Variants in PRKN observed in about 807,000 individuals in gnomAD.
PRKN encodes the protein E3 ubiquitin-protein ligase parkin.
Under a neutral mutation model 59.5 loss-of-function variants are expected in PRKN, and 56 were observed. The observed-to-expected ratio is 0.94, with a 90% CI of 0.76 to 1.18. PRKN has a LOEUF of 1.18. Among genes scored for constraint, PRKN ranks in the 50% most tolerant of loss-of-function variants. PRKN has a pLI of 0.00. For missense variants in PRKN, 657 were observed against 596.4 expected, an observed-to-expected ratio of 1.10 and a Z score of -1.06; for synonymous variants, 250 against 222.1, an observed-to-expected ratio of 1.13 and a Z score of -1.12.
At chr6:162,466,234 CCTTT>C (rs1286388094) in intron 1 of PRKN, among the ~76,000 whole-genome samples, 5 of 152,144 alleles carry the variant, frequency 3.3e-5, no homozygotes, top group Non-Finnish European at 7.3e-5. Context: ...CTTTCCATTG[CCTTT>C]CTTTTTTTCC....
In PRKN at chr6:161,590,813, A is replaced by G. The variant is rs560638354; in HGVS notation, c.872-21397T>C. 3.8e-4 allele frequency among the ~76,000 whole-genome samples: 58 copies of G among 152,224 alleles called. 2 individuals carry two copies. In the South Asian group the frequency reaches 0.012, roughly 30 times the overall value. On this transcript the variant is annotated intron_variant, in intron 7 of 11. Transcript: ENST00000366898. ...ACAAACACAAATTGAAGGATAGTCT[A>G]CAAAATAACTGTCCTGCGCTCATAA...
At chr6:161,994,201 C>A (rs1583453706) in intron 5 of PRKN, among the ~76,000 whole-genome samples, 1 of 148,336 alleles carries the variant, frequency 6.7e-6, no homozygotes, top group Admixed American at 6.7e-5. Flanking sequence ...TGTGATACAT[C>A]ACATCAAGAT....
intron 6 of PRKN, among the ~76,000 whole-genome samples, chr6:161,963,436 G>A (rs531734590): frequency 2.0e-5 from 3 of 152,328 alleles, no homozygotes; most frequent in Middle Eastern, 3.4e-3. Context: ...TTCACCACGG[G>A]AGAAATGAAG....
chr6:161,358,219 G>A lies in PRKN; in HGVS notation c.1285+1869C>T, dbSNP rs114213020. The stretch of plus-strand genomic sequence containing the variant: ...GAATTATTGGGTCAAATAATATAAA[G>A]TCTTTATATAGGTATTGCCAAAGTG... On this transcript the variant is annotated intron_variant, in intron 11 of 11. Transcript: ENST00000366898. Among the ~76,000 whole-genome samples the A allele has an allele frequency of 1.6e-3, 241 of 152,202 alleles. 1 individual carries two copies. Among genetic ancestry groups the A allele is most frequent in the African/African-American group, 5.5e-3 (228 of 41,528 alleles).
rs1787310013 is a variant in PRKN at position 161,407,076 on chromosome 6, A to G, written c.1084-20199T>C. Among the ~76,000 whole-genome samples the G allele has an allele frequency of 6.6e-6, 1 of 152,216 alleles. No homozygotes were observed. On this transcript the variant is annotated intron_variant, in intron 9 of 11. Coordinates refer to ENST00000366898, the MANE Select transcript of PRKN (RefSeq NM_004562.3). The surrounding 1 kb of genome is among the most constrained non-coding windows in gnomAD (Gnocchi z 4.9). Reference sequence around the variant, plus strand: ...TATTTCAAATTAAGATCACCAAATTATATTTACATAAAAGCCTCTATAATG... The same window carrying G: ...TATTTCAAATTAAGATCACCAAATTGTATTTACATAAAAGCCTCTATAATG...
rs138493204 is a variant in PRKN at position 162,414,435 on chromosome 6, T to C, written c.171+28875A>G. 7.6e-4 allele frequency among the ~76,000 whole-genome samples: 116 copies of C among 151,746 alleles called. 1 individual carries two copies. The highest frequency in any genetic ancestry group is 9.8e-4 in the East Asian group (5 of 5,096). The stretch of plus-strand genomic sequence containing the variant: ...TAGAAAGTAGTGAATCTGCCGGGCG[T>C]GGTGGCTCACACCTGTAATCCCAGC... On this transcript the variant is annotated intron_variant, in intron 2 of 11. Transcript: ENST00000366898.
intron 2 of PRKN, among the ~76,000 whole-genome samples, chr6:162,331,252 C>T (rs913133935): frequency 6.6e-6 from 1 of 151,962 alleles, no homozygotes; most frequent in Non-Finnish European, 1.5e-5. Context: ...TCGCTCCCAA[C>T]CAGGCCCCTC....
At chr6:161,516,259 C>A (rs991763001) in intron 9 of PRKN, among the ~76,000 whole-genome samples, 1 of 151,504 alleles carries the variant, frequency 6.6e-6, no homozygotes, top group African/African-American at 2.4e-5. Flanking sequence ...ACCAGCCTGT[C>A]CGACATGGTG....
At position 162,189,728 on chromosome 6, in the gene PRKN, T is replaced by C. The variant is rs118061303; in HGVS notation, c.534+11403A>G. Among the ~76,000 whole-genome samples, 112 of 152,080 alleles carry C rather than the reference T, an allele frequency of 7.4e-4. 2 individuals carry two copies. The East Asian group carries it at 0.016, about 22-fold the overall frequency. On this transcript the variant is annotated intron_variant, in intron 4 of 11. Transcript: ENST00000366898. ...TGTTTATGCAAAGTTTATATTTTTATGATAACATTGAACAATAGACATATT... is the reference window on the plus strand; with the variant it reads ...TGTTTATGCAAAGTTTATATTTTTACGATAACATTGAACAATAGACATATT...
chr6:162,237,392 A>G (rs1266078792), intron 3 of PRKN, among the ~76,000 whole-genome samples: 1 of 152,192 alleles, frequency 6.6e-6, no homozygotes, highest in African/African-American at 2.4e-5. Context: ...GAAACAATTT[A>G]CATAATGATT....
At chr6:161,587,851 G>A (rs1464152652) in intron 7 of PRKN, among the ~76,000 whole-genome samples, 2 of 151,904 alleles carry the variant, frequency 1.3e-5, no homozygotes. Flanking sequence ...AATATATTCT[G>A]AGCATTGGAT....
chr6:161,952,459 A>C (rs1780025329), intron 6 of PRKN, among the ~76,000 whole-genome samples: 1 of 152,090 alleles, frequency 6.6e-6, no homozygotes. Flanking sequence ...CTCTACCAAA[A>C]ATACAAAAAA....
chr6:161,980,729 C>T (rs1333517617), intron 5 of PRKN, among the ~76,000 whole-genome samples: 1 of 152,082 alleles, frequency 6.6e-6, no homozygotes, highest in African/African-American at 2.4e-5. Context: ...TTCTCTTGGC[C>T]CTCCCATCTC....
intron 6 of PRKN, among the ~76,000 whole-genome samples, chr6:161,803,076 G>A (rs184801581): frequency 6.6e-6 from 1 of 152,232 alleles, no homozygotes; most frequent in African/African-American, 2.4e-5. Context: ...TCTTCAATTG[G>A]GACTTATAGC....
At chr6:162,549,997 G>A (rs1779273646) in intron 1 of PRKN, among the ~76,000 whole-genome samples, 1 of 152,174 alleles carries the variant, frequency 6.6e-6, no homozygotes, top group Admixed American at 6.5e-5. Context: ...AGTGGATGAT[G>A]AAGCTAAATA....
intron 7 of PRKN, among the ~76,000 whole-genome samples, chr6:161,662,540 C>G (rs1174026816): frequency 6.6e-6 from 1 of 152,074 alleles, no homozygotes; most frequent in Non-Finnish European, 1.5e-5. Context: ...CTGACTTTGG[C>G]TAAGGGTTGC....
At chr6:162,032,669 C>T (rs1783685410) in intron 5 of PRKN, among the ~76,000 whole-genome samples, 1 of 152,052 alleles carries the variant, frequency 6.6e-6, no homozygotes, top group Admixed American at 6.6e-5. Flanking sequence ...AGTAAAATGC[C>T]AAGGTTCTGC....
intron 6 of PRKN, among the ~76,000 whole-genome samples, chr6:161,839,838 G>C (rs1261760183): frequency 6.6e-6 from 1 of 152,208 alleles, no homozygotes; most frequent in Non-Finnish European, 1.5e-5. Flanking sequence ...ACATACCCGT[G>C]TGCAAATACA....
intron 5 of PRKN, among the ~76,000 whole-genome samples, chr6:162,031,538 C>CTTT (rs57437847): frequency 0.011 from 1,546 of 141,202 alleles, 38 homozygotes; most frequent in African/African-American, 0.038. Context: ...TTTTCTTTTT[C>CTTT]TTTTTTTTTT....
Sources: allele counts gnomAD v4.1 joint callset (sites outside exome capture counted in the v4.1 genomes callset), GRCh38; gene constraint gnomAD v4.1.1; non-coding constraint Gnocchi (gnomAD v3.1); transcripts MANE v1.5; gene names NCBI Gene and HGNC (gene_info 2026-07-23, HGNC 2026-07-21).